The following MYH9 variants were observed in gnomAD, a reference collection of about 807,000 sequenced individuals.
MYH9 encodes myosin-9.
Under a neutral mutation model 241.9 loss-of-function variants are expected in MYH9, and 29 were observed. The ratio of observed to expected loss-of-function variants is 0.12; its 90% CI spans 0.09 to 0.16. The LOEUF is 0.16. Ranked by LOEUF, MYH9 falls within the 10% of genes least tolerant of loss-of-function variation. MYH9 has a pLI of 1.00. For missense variants in MYH9, 1,803 were observed against 2,595.5 expected (o/e 0.69, Z 6.63); for synonymous variants, 1,047 against 1,062.6 (o/e 0.99, Z 0.29).
intron 1 of MYH9, among the ~76,000 whole-genome samples, chr22:36,367,693 T>TTG (rs1285426764): frequency 6.6e-6 from 1 of 152,146 alleles, no homozygotes; most frequent in East Asian, 1.9e-4. Flanking sequence ...ACCGCTTACT[T>TTG]TACCACTCAC....
At chr22:36,357,315 C>T (rs1353880857) in intron 1 of MYH9, among the ~76,000 whole-genome samples, 2 of 152,022 alleles carry the variant, frequency 1.3e-5, no homozygotes, top group Admixed American at 6.5e-5. Flanking sequence ...TATCCCGGGC[C>T]GAGGGAGAAA....
chr22:36,328,727 G>C (rs996828944), intron 3 of MYH9: 3 of 152,392 alleles, frequency 2.0e-5, no homozygotes, highest in African/African-American at 7.2e-5. Context: ...GGCAGTGGGA[G>C]CATCCGTGGC....
chr22:36,301,730 T>G, intron 20 of MYH9, 65 bp from the exon 21 acceptor site: 1 of 1,596,724 alleles, frequency 6.3e-7, no homozygotes, highest in Non-Finnish European at 8.5e-7. Flanking sequence ...CCAACAGGTG[T>G]GAGGCCTCTC....
At chr22:36,308,326 G>T (rs756600898) in intron 15 of MYH9, among the ~76,000 whole-genome samples, 21 of 151,364 alleles carry the variant, frequency 1.4e-4, no homozygotes, top group Non-Finnish European at 2.5e-4. Context: ...GGAGTACAGT[G>T]GTGCAATCAC....
Position 36,314,281 on chromosome 22 carries a change from T to C in MYH9, c.1418A>G (p.Asn473Ser). 1.2e-6 allele frequency: 2 copies of C among 1,614,206 alleles called. No individual in the cohort carries two copies. Among genetic ancestry groups the C allele is most frequent in the African/African-American group, 1.3e-5 (1 of 75,046 alleles). Residue 473 changes from asparagine to serine, a missense_variant, in exon 13 of 41, where the codon AAT (asparagine) becomes AGT (serine). Asn to Ser is a conservative substitution (Grantham distance 46). Transcript: ENST00000216181. ...GTTGAAGAGCTGCTGCAGCTTCTCA[T>C]TGGTGTAATTGATGCACAGCTGCTC... Reference protein sequence around the residue: ...SFEQLCINYTNEKLQQLFNHT... With the variant: ...SFEQLCINYTSEKLQQLFNHT...
At chr22:36,297,494 C>T (rs772854208) in intron 24 of MYH9, among the ~76,000 whole-genome samples, 2 of 152,170 alleles carry the variant, frequency 1.3e-5, no homozygotes, top group Non-Finnish European at 2.9e-5. Flanking sequence ...AAGGAGACAG[C>T]CTACTTCATT....
intron 1 of MYH9, among the ~76,000 whole-genome samples, chr22:36,377,685 G>A (rs550273566): frequency 4.7e-5 from 7 of 150,050 alleles, no homozygotes; most frequent in South Asian, 4.2e-4. Context: ...CAAGGCGGGC[G>A]GATCATGAGG....
chr22:36,344,308 C>A (rs968061000), intron 2 of MYH9, among the ~76,000 whole-genome samples: 3 of 151,826 alleles, frequency 2.0e-5, no homozygotes, highest in Non-Finnish European at 1.5e-5. Flanking sequence ...CAGGGCCTCA[C>A]CCCCTGAAGA....
intron 24 of MYH9, 88 bp from the exon 25 acceptor site, chr22:36,297,102 T>C: frequency 6.9e-7 from 1 of 1,450,710 alleles, no homozygotes; most frequent in Non-Finnish European, 9.5e-7. Flanking sequence ...GAGCACTCGT[T>C]ATGAAACGTG....
rs201340946 is a variant in MYH9 at position 36,300,819 on chromosome 22, G to A, written c.2838+32C>T. 223 of 1,598,328 alleles carry A rather than the reference G, an allele frequency of 1.4e-4. No individual in the cohort carries two copies. The highest frequency in any genetic ancestry group is 3.8e-4 in the East Asian group (17 of 44,878). On this transcript the variant is annotated intron_variant, in intron 22 of 40. Coordinates refer to ENST00000216181, the MANE Select transcript of MYH9 (RefSeq NM_002473.6). This position sits in a 1 kb window ranked among gnomAD's most constrained non-coding sequence, Gnocchi z 5.0. The stretch of plus-strand genomic sequence containing the variant: ...CTCCGCCCCGCCCTGCCCCTCCGGC[G>A]CCACCCCTCCCCGGGTGCAGCGGGC...
intron 5 of MYH9, among the ~76,000 whole-genome samples, chr22:36,323,443 G>C (rs1445640251): frequency 6.6e-6 from 1 of 152,230 alleles, no homozygotes; most frequent in African/African-American, 2.4e-5. Context: ...CTTAATGCCT[G>C]AGTGCCCTCT....
chr22:36,341,918 C>A (rs902232675), intron 2 of MYH9, among the ~76,000 whole-genome samples: 4 of 152,270 alleles, frequency 2.6e-5, no homozygotes, highest in African/African-American at 9.6e-5. Flanking sequence ...AAGGGCTCAG[C>A]TGCAGCGCAG....
At chr22:36,343,241 T>C (rs989346823) in intron 2 of MYH9, among the ~76,000 whole-genome samples, 1 of 152,108 alleles carries the variant, frequency 6.6e-6, no homozygotes, top group African/African-American at 2.4e-5. Context: ...ATGGTATGCA[T>C]TCAAAACAGC....
intron 1 of MYH9, among the ~76,000 whole-genome samples, chr22:36,384,985 A>G (rs2018329459): frequency 6.6e-6 from 1 of 152,022 alleles, no homozygotes; most frequent in South Asian, 2.1e-4. Flanking sequence ...TAAGGCTGAG[A>G]GGCAGTGACT....
Position 36,309,731 on chromosome 22 carries a change from T to C in MYH9, c.1729-335A>G, listed in dbSNP as rs550898849. ...AGGTAATATGAACAAAGAAAAACAATCCTGGAAGGACAACAAAATGTTACT... is the reference window on the plus strand; with the variant it reads ...AGGTAATATGAACAAAGAAAAACAACCCTGGAAGGACAACAAAATGTTACT... On this transcript the variant is annotated intron_variant, in intron 14 of 40. Coordinates refer to ENST00000216181, the MANE Select transcript of MYH9 (RefSeq NM_002473.6). 3.3e-5 allele frequency among the ~76,000 whole-genome samples: 5 copies of C among 152,266 alleles called. No individual in the cohort carries two copies. In the East Asian group the frequency reaches 9.7e-4, roughly 29 times the overall value.
intron 3 of MYH9, among the ~76,000 whole-genome samples, chr22:36,335,802 ACTG>A (rs776166307): frequency 6.6e-5 from 10 of 152,174 alleles, no homozygotes; most frequent in Non-Finnish European, 1.3e-4. Flanking sequence ...AAATCAGGAG[ACTG>A]CTTTCTGGGG....
rs193246556 is a variant in MYH9, at chr22:36,320,747, G to A, written c.868+51C>T. ...GATGTCTACGGTCCAATTCTGGCAA[G>A]AGGCCCAGAGCCCGGCAGCCCCGGT... On this transcript the variant is annotated intron_variant, in intron 8 of 40. Transcript: ENST00000216181. The surrounding 1 kb of genome is among the most constrained non-coding windows in gnomAD (Gnocchi z 4.8). 4.7e-6 allele frequency: 7 copies of A among 1,491,460 alleles called. No individual in the cohort carries two copies. In the East Asian group the frequency reaches 6.8e-5, roughly 14 times the overall value. The allele number at this position is 1,491,460 out of a possible 1,614,324, so 92.4% of individuals were successfully genotyped here. A position where few individuals can be genotyped will look rare whatever the true frequency, so the allele number is the denominator to read the frequency against.
Position 36,377,352 on chromosome 22 carries a change from G to A in MYH9, c.-20+10455C>T, listed in dbSNP as rs147692578. On this transcript the variant is annotated intron_variant, in intron 1 of 40. Coordinates refer to ENST00000216181, the MANE Select transcript of MYH9 (RefSeq NM_002473.6). ...TGACTTAATGTGAAACACAGGAAAC[G>A]TAGTGGCTTTTGAACATAGACAACT... Among the ~76,000 whole-genome samples, 160 of 152,220 alleles carry A rather than the reference G, an allele frequency of 1.1e-3. 1 individual carries two copies. Among genetic ancestry groups the A allele is most frequent in the South Asian group, 8.3e-4 (4 of 4,826 alleles).
chr22:36,384,318 C>T (rs1178846666), intron 1 of MYH9, among the ~76,000 whole-genome samples: 1 of 150,598 alleles, frequency 6.6e-6, no homozygotes, highest in Non-Finnish European at 1.5e-5. Context: ...CACGGTGGCT[C>T]ACACCTGTAA....
Sources: gnomAD v4.1 joint callset for allele counts (sites outside exome capture counted in the v4.1 genomes callset) on GRCh38, gnomAD v4.1.1 for gene constraint, Gnocchi (gnomAD v3.1) non-coding constraint, MANE v1.5 for transcripts, NCBI Gene and HGNC (gene_info 2026-07-23, HGNC 2026-07-21) for gene names.